The following TTC7A variants were observed in gnomAD, a reference collection of about 807,000 sequenced individuals.
TTC7A encodes the protein tetratricopeptide repeat protein 7A.
A neutral mutation model predicts 103.7 loss-of-function variants in TTC7A; 110 were observed. The ratio of observed to expected loss-of-function variants is 1.06; its 90% CI spans 0.91 to 1.24. The LOEUF is 1.24. TTC7A is among the 50% of genes most tolerant of loss of function. The pLI is 0.00. For missense variants in TTC7A, 1,340 were observed against 1,116.3 expected (o/e 1.20, Z -2.86); for synonymous variants, 521 against 467.9 (o/e 1.11, Z -1.47).
upstream of TTC7A, among the ~76,000 whole-genome samples, chr2:46,939,645 C>T (rs896408409): frequency 1.3e-5 from 2 of 152,102 alleles, no homozygotes; most frequent in African/African-American, 4.8e-5. Context: ...CTGCCAAGGT[C>T]GCCTCCCTCT....
chr2:47,044,693 C>T (rs966937740), intron 15 of TTC7A, among the ~76,000 whole-genome samples: 2 of 152,140 alleles, frequency 1.3e-5, no homozygotes, highest in Admixed American at 6.5e-5. Flanking sequence ...GGGGGCAACC[C>T]GTGTGCAGGG....
intron 14 of TTC7A, among the ~76,000 whole-genome samples, chr2:47,026,862 G>A (rs1028049747): frequency 6.6e-6 from 1 of 152,216 alleles, no homozygotes; most frequent in African/African-American, 2.4e-5. Context: ...CTTGCCCTAA[G>A]GTGCCAGCTG....
rs573600134 is a variant in TTC7A, at chr2:47,050,458, A to G, written c.2017+412A>G. 9.5e-5 allele frequency: 16 copies of G among 167,890 alleles called. No individual in the cohort carries two copies. In the East Asian group the frequency reaches 2.5e-3, roughly 26 times the overall value. The allele number at this position is 167,890 out of a possible 1,614,324, so 10.4% of individuals were successfully genotyped here. On this transcript the variant is annotated intron_variant, in intron 17 of 19. Transcript: ENST00000319190. ...AGCAGACTCTTTTCTGGAAAAACTC[A>G]TCCTGAAACCCATGGCTTGTGAAAT... is the stretch of plus-strand genomic sequence containing the variant.
At chr2:47,030,473 T>G (rs571826895) in intron 15 of TTC7A, among the ~76,000 whole-genome samples, 10 of 152,270 alleles carry the variant, frequency 6.6e-5, no homozygotes, top group Admixed American at 3.3e-4. Context: ...CTTGTGGCCT[T>G]TGCCAGCGTG....
At chr2:46,988,457 T>A (rs963902455) in intron 5 of TTC7A, among the ~76,000 whole-genome samples, 2 of 152,240 alleles carry the variant, frequency 1.3e-5, no homozygotes, top group Non-Finnish European at 1.5e-5. Context: ...ACTGGTAACC[T>A]TTCATACACA....
In TTC7A at chr2:47,007,672, G is replaced by T. The variant is rs1050049500; in HGVS notation, c.1287+948G>T. Among the ~76,000 whole-genome samples, 4 of 152,326 alleles carry T rather than the reference G, an allele frequency of 2.6e-5. No individual in the cohort carries two copies. The highest frequency in any genetic ancestry group is 3.4e-3 in the Middle Eastern group (1 of 294). On this transcript the variant is annotated intron_variant, in intron 10 of 19. Coordinates refer to ENST00000319190, the MANE Select transcript of TTC7A (RefSeq NM_020458.4). The surrounding 1 kb of genome is among the most constrained non-coding windows in gnomAD (Gnocchi z 4.9). Reference sequence around the variant, plus strand: ...CTCGGGGCCTCGGCAGCCGAGGCAGGCCAGGCCCTGGCAGGGAGGGGGAAG... The same window carrying T: ...CTCGGGGCCTCGGCAGCCGAGGCAGTCCAGGCCCTGGCAGGGAGGGGGAAG...
chr2:46,983,377 G>C (rs530054123), intron 5 of TTC7A, among the ~76,000 whole-genome samples: 56 of 152,322 alleles, frequency 3.7e-4, no homozygotes, highest in African/African-American at 1.3e-3. Flanking sequence ...TCAGAGAAAC[G>C]GTGGCCTGGA....
At chr2:46,930,956 G>A (rs775110818) in intron 2 of TTC7A, among the ~76,000 whole-genome samples, 5 of 152,128 alleles carry the variant, frequency 3.3e-5, no homozygotes, top group Non-Finnish European at 5.9e-5. Flanking sequence ...TAATTTTGAT[G>A]ACCAAAAGCC....
intron 15 of TTC7A, among the ~76,000 whole-genome samples, chr2:47,041,597 C>A (rs144488001): frequency 6.6e-6 from 1 of 151,988 alleles, no homozygotes; most frequent in Non-Finnish European, 1.5e-5. Context: ...TACTAAAATA[C>A]AAAAAATTAG....
At chr2:47,022,700 A>G (rs532353920) in intron 12 of TTC7A, among the ~76,000 whole-genome samples, 1 of 152,312 alleles carries the variant, frequency 6.6e-6, no homozygotes, top group Non-Finnish European at 1.5e-5. Context: ...GACATCGGGT[A>G]TAAATGAGCC....
At chr2:47,030,614 A>C (rs796269457) in intron 15 of TTC7A, among the ~76,000 whole-genome samples, 44 of 152,338 alleles carry the variant, frequency 2.9e-4, no homozygotes, top group African/African-American at 1.0e-3. Context: ...GCCAAGGCCA[A>C]CAATGGGTGT....
intron 2 of TTC7A, chr2:46,951,698 A>G: frequency 4.4e-6 from 2 of 455,776 alleles, no homozygotes; most frequent in Non-Finnish European, 8.8e-6. Flanking sequence ...GGAGTGAGGC[A>G]CTGCGCCCAG....
chr2:46,942,357 C>A (rs1484402294), intron 1 of TTC7A, among the ~76,000 whole-genome samples: 1 of 152,112 alleles, frequency 6.6e-6, no homozygotes, highest in East Asian at 1.9e-4. Flanking sequence ...CGGGGAACAC[C>A]CCGCCCCAGT....
At chr2:46,998,306 G>C (rs1027172028) in intron 8 of TTC7A, among the ~76,000 whole-genome samples, 2 of 152,288 alleles carry the variant, frequency 1.3e-5, no homozygotes, top group South Asian at 4.1e-4. Context: ...CTTTCCCCCG[G>C]CTGCTGGATC....
intron 2 of TTC7A, among the ~76,000 whole-genome samples, chr2:46,926,324 C>T (rs547977036): frequency 1.3e-5 from 2 of 152,234 alleles, no homozygotes; most frequent in South Asian, 2.1e-4. Flanking sequence ...CAGTGGAGAT[C>T]GGAGTAAGTG....
chr2:47,018,639 AAGT>A (rs1252560560), intron 11 of TTC7A, among the ~76,000 whole-genome samples: 1 of 151,730 alleles, frequency 6.6e-6, no homozygotes, highest in Non-Finnish European at 1.5e-5. Context: ...ACATATAAGA[AAGT>A]AGATATCATA....
chr2:46,990,344 C>T (rs1449819792), intron 5 of TTC7A, among the ~76,000 whole-genome samples: 4 of 152,178 alleles, frequency 2.6e-5, no homozygotes, highest in Non-Finnish European at 5.9e-5. Context: ...TCAGTGGAAC[C>T]GAAGGAGCTT....
rs549461966 is a variant in TTC7A, at chr2:46,964,325, A to G, written c.517+7318A>G. On this transcript the variant is annotated intron_variant, in intron 3 of 19. Coordinates refer to ENST00000319190, the MANE Select transcript of TTC7A (RefSeq NM_020458.4). ...GGTGGCTTGTTTGGAGGTGCAGTGT[A>G]ATCATACTTCTTGGAGCCAAGAGGA... 1.6e-4 allele frequency among the ~76,000 whole-genome samples: 24 copies of G among 152,278 alleles called. No homozygotes were observed. The South Asian group carries it at 2.1e-3, about 13-fold the overall frequency.
Position 47,046,376 on chromosome 2 carries a change from A to T in TTC7A, c.1864A>T (p.Thr622Ser), listed in dbSNP as rs781523527. The change falls in exon 16 of 20, where the codon ACC (threonine) becomes TCC (serine). Residue 622 changes from threonine (T) to serine (S), a missense_variant. Transcript: ENST00000319190. ...VLKGPEEALV[T>S]CRQVLRLWQT... Reference sequence around the variant, plus strand: ...GAAAGGCCCAGAGGAAGCCCTCGTGACCTGCAGACAAGTGCTGAGGCTGTG... The same window carrying T: ...GAAAGGCCCAGAGGAAGCCCTCGTGTCCTGCAGACAAGTGCTGAGGCTGTG... 1.2e-6 allele frequency: 2 copies of T among 1,614,202 alleles called. No homozygotes were observed. Among genetic ancestry groups the T allele is most frequent in the Non-Finnish European group, 1.7e-6 (2 of 1,180,034 alleles).
Sources: allele counts gnomAD v4.1 joint callset (sites outside exome capture counted in the v4.1 genomes callset), GRCh38; gene constraint gnomAD v4.1.1; non-coding constraint Gnocchi (gnomAD v3.1); transcripts MANE v1.5; gene names NCBI Gene and HGNC (gene_info 2026-07-23, HGNC 2026-07-21).